Variants in FAM83E observed in about 807,000 individuals in gnomAD.
The protein encoded by FAM83E is protein FAM83E.
Under a neutral mutation model 34.3 loss-of-function variants are expected in FAM83E, and 29 were observed. That is an observed-to-expected ratio of 0.85 (90% CI 0.63 to 1.15). FAM83E has a LOEUF of 1.15. Among genes scored for constraint, FAM83E ranks in the 50% most tolerant of loss-of-function variants. The probability of loss-of-function intolerance (pLI) is 0.00; values close to 1 mark genes in which losing one functional copy is unlikely to be tolerated. For missense variants in FAM83E, 697 were observed against 685.0 expected, an observed-to-expected ratio of 1.02 and a Z score of -0.20; for synonymous variants, 312 against 311.6, an observed-to-expected ratio of 1.00 and a Z score of -0.01.
In FAM83E at chr19:48,601,218, G is replaced by T. The variant is rs571876971; in HGVS notation, c.1328C>A (p.Ser443Tyr). The part of the protein sequence containing the change: ...LPPAHRLRYL[S>Y]PARRRFGGDA... ...CCCACCGAACCGCCTTCGGGCTGGG[G>T]ACAGATAGCGGAGGCGGTGGGCGGG... The change falls in exon 7 of 7, where the codon TCC becomes TAC. Residue 443 changes from serine (S) to tyrosine (Y), a missense_variant. Physicochemically the swap from Ser to Tyr is moderately radical, Grantham distance 144 (BLOSUM62 -2). Coordinates refer to ENST00000263266, the MANE Select transcript of FAM83E (RefSeq NM_017708.4). 1.2e-6 allele frequency: 2 copies of T among 1,610,528 alleles called. No homozygotes were observed. Among genetic ancestry groups the T allele is most frequent in the African/African-American group, 1.3e-5 (1 of 74,986 alleles).
At chr19:48,607,236 C>A (rs375783419) in intron 5 of FAM83E, 1 of 1,612,182 alleles carries the variant, frequency 6.2e-7, no homozygotes, top group African/African-American at 1.3e-5. Context: ...CCTACAGCCT[C>A]ACCACCAACT....
intron 5 of FAM83E, 101 bp from the exon 6 acceptor site, chr19:48,604,012 G>A (rs1015111540): frequency 6.5e-6 from 8 of 1,221,786 alleles, no homozygotes; most frequent in African/African-American, 3.2e-5. Context: ...GACCTCAGGC[G>A]AGTCCTGACC....
rs780828161 is a variant in FAM83E, at chr19:48,603,658, C to T, written c.1012G>A (p.Ala338Thr). 32 of 1,311,406 alleles carry T rather than the reference C, an allele frequency of 2.4e-5. No homozygotes were observed. Among genetic ancestry groups the T allele is most frequent in the Admixed American group, 3.7e-5 (1 of 27,170 alleles). The allele number at this position is 1,311,406 out of a possible 1,614,324, so 81.2% of individuals were successfully genotyped here. A position where few individuals can be genotyped will look rare whatever the true frequency, so the allele number is the denominator to read the frequency against. The stretch of plus-strand genomic sequence containing the variant: ...GGGGTAGCAGGGGAGACGCGGCAGG[C>T]GGCCAGGCGGTGGGCCAGCGGGCCG... ...PDGPLAHRLA[A>T]CRVSPATPGP... Residue 338 changes from alanine (A) to threonine (T), a missense_variant, in exon 6 of 7, where the codon GCC (alanine) becomes ACC (threonine). Coordinates refer to ENST00000263266, the MANE Select transcript of FAM83E (RefSeq NM_017708.4).
At chr19:48,606,203 C>T (rs1360463405) in intron 5 of FAM83E, among the ~76,000 whole-genome samples, 3 of 152,080 alleles carry the variant, frequency 2.0e-5, no homozygotes, top group Admixed American at 6.6e-5. Flanking sequence ...CCCAGCCACT[C>T]GGGAGGCTGA....
chr19:48,610,976 A>G, intron 3 of FAM83E, 129 bp from the exon 4 acceptor site: 1 of 939,884 alleles, frequency 1.1e-6, no homozygotes, highest in Middle Eastern at 2.5e-4. Context: ...TTTAAAGTTC[A>G]GGTGGGCTAA....
intron 6 of FAM83E, 92 bp downstream of exon 6, chr19:48,603,402 A>G: frequency 8.0e-7 from 1 of 1,256,872 alleles, no homozygotes; most frequent in Non-Finnish European, 1.0e-6. Flanking sequence ...TCTGGCTGGG[A>G]GCAGGGCCCC....
chr19:48,602,834 A>G (rs1468760833), intron 6 of FAM83E, among the ~76,000 whole-genome samples: 1 of 121,648 alleles, frequency 8.2e-6, no homozygotes, highest in Non-Finnish European at 1.6e-5. Context: ...GTTTATTATT[A>G]TTATTATTAT....
rs1452626365 is a variant in FAM83E at position 48,603,501 on chromosome 19, T to C, written c.1169A>G (p.Asp390Gly). ...CCAGCCACAAGGTCTCACCTCGTTG[T>C]CCCCATCACTGGAGCCAGACAGCTG... The part of the protein sequence containing the change: ...LSQLSGSSDG[D>G]NELKKSWGSK... The change falls in exon 6 of 7, where the codon GAC (aspartate) becomes GGC (glycine). Residue 390 changes from aspartate (D) to glycine (G), a missense_variant. Asp to Gly is a moderately conservative substitution (Grantham distance 94, BLOSUM62 -1). Coordinates refer to ENST00000263266, the MANE Select transcript of FAM83E (RefSeq NM_017708.4). 6.4e-7 allele frequency: 1 copy of C among 1,565,626 alleles called. No homozygotes were observed. The highest frequency in any genetic ancestry group is 8.6e-7 in the Non-Finnish European group (1 of 1,164,428).
At chr19:48,610,491 A>C (rs1568421096) in intron 4 of FAM83E, among the ~76,000 whole-genome samples, 189 bp downstream of exon 4, 1 of 150,534 alleles carries the variant, frequency 6.6e-6, no homozygotes, top group Non-Finnish European at 1.5e-5. Flanking sequence ...GGGGATACCC[A>C]AACTCAGTGA....
At position 48,602,705 on chromosome 19, in the gene FAM83E, ATAT is replaced by A. The variant is rs1376336545; in HGVS notation, c.1176+786_1176+788del. On this transcript the variant is annotated intron_variant, in intron 6 of 6. Coordinates refer to ENST00000263266, the MANE Select transcript of FAM83E (RefSeq NM_017708.4). ...CTATCTCAAAAAAAAAAAAAAAAAA[ATAT>A]ATATATATATATATATATATATATA... Among the ~76,000 whole-genome samples the A allele has an allele frequency of 9.9e-4, 29 of 29,420 alleles. 1 individual carries two copies. Among genetic ancestry groups the A allele is most frequent in the African/African-American group, 2.4e-3 (14 of 5,910 alleles). 19.3% of individuals were successfully genotyped at this position (29,420 alleles called of 152,430 possible).
chr19:48,602,141 C>CAAA (rs35272146), intron 6 of FAM83E, among the ~76,000 whole-genome samples: 28 of 41,516 alleles, frequency 6.7e-4, no homozygotes, highest in African/African-American at 7.7e-4. Flanking sequence ...GACCCTATCT[C>CAAA]AAAAAAAAAA....
chr19:48,606,964 C>CGCCGCCAG (rs1310115795), intron 5 of FAM83E: 8 of 1,599,418 alleles, frequency 5.0e-6, no homozygotes, highest in Non-Finnish European at 6.8e-6. Flanking sequence ...GCAGGGTCAA[C>CGCCGCCAG]GCCGCCAGGC....
At chr19:48,601,481 A>ACGGC in intron 6 of FAM83E, 112 bp from the exon 7 acceptor site, 1 of 1,471,440 alleles carries the variant, frequency 6.8e-7, no homozygotes. Flanking sequence ...AAAGTGACAG[A>ACGGC]CGGCCAGGCA....
Position 48,603,914 on chromosome 19 carries a change from G to C in FAM83E, c.759-3C>G. On this transcript the variant is annotated splice_polypyrimidine_tract_variant and splice_region_variant and intron_variant, in intron 5 of 6. Coordinates refer to ENST00000263266, the MANE Select transcript of FAM83E (RefSeq NM_017708.4). ...GGCGTGCGTCACTCCACGTGAAGCTGGGGGTCGGGGAGTAGGGGGTCAGAG... is the reference window on the plus strand; with the variant it reads ...GGCGTGCGTCACTCCACGTGAAGCTCGGGGTCGGGGAGTAGGGGGTCAGAG... 6.3e-7 allele frequency: 1 copy of C among 1,590,782 alleles called. No homozygotes were observed. The highest frequency in any genetic ancestry group is 8.6e-7 in the Non-Finnish European group (1 of 1,169,326).
chr19:48,613,126 C>A lies in FAM83E; in HGVS notation c.247G>T (p.Gly83Trp), dbSNP rs777273537. ...DWTVAKQEPS[G>W]MAEGATTTDV... Reference sequence around the variant, plus strand: ...GTGGTGGTGGCTCCCTCTGCCATCCCGCTGGGCTCCTGCTTGGCCACTGTC... The same window carrying A: ...GTGGTGGTGGCTCCCTCTGCCATCCAGCTGGGCTCCTGCTTGGCCACTGTC... The change falls in exon 3 of 7, where the codon GGG (glycine) becomes TGG (tryptophan). Residue 83 changes from glycine (G) to tryptophan (W), a missense_variant. By Grantham distance (184) the Gly-to-Trp change is radical. Coordinates refer to ENST00000263266, the MANE Select transcript of FAM83E (RefSeq NM_017708.4). 8.7e-6 allele frequency: 14 copies of A among 1,611,548 alleles called. No individual in the cohort carries two copies. Among genetic ancestry groups the A allele is most frequent in the Admixed American group, 3.3e-5 (2 of 59,908 alleles).
At chr19:48,604,918 G>T (rs1186068226) in intron 5 of FAM83E, among the ~76,000 whole-genome samples, 1 of 150,958 alleles carries the variant, frequency 6.6e-6, no homozygotes, top group Non-Finnish European at 1.5e-5. Context: ...TACTCAGGAG[G>T]CTGAGGCAGG....
At chr19:48,604,009 G>C in intron 5 of FAM83E, 98 bp from the exon 6 acceptor site, 1 of 1,274,650 alleles carries the variant, frequency 7.8e-7, no homozygotes, top group Non-Finnish European at 1.1e-6. Flanking sequence ...TAGGACCTCA[G>C]GCGAGTCCTG....
In FAM83E at chr19:48,600,362, A is replaced by G. The variant is rs1381063640; in HGVS notation, c.*747T>C. ...AGTCCTTTTTTTTGTTTGAGATGAAATCTCGCTCTGTCACCCAGGCTGGAG... is the reference window on the plus strand; with the variant it reads ...AGTCCTTTTTTTTGTTTGAGATGAAGTCTCGCTCTGTCACCCAGGCTGGAG... On this transcript the variant is annotated 3_prime_UTR_variant, in exon 7 of 7. Transcript: ENST00000263266. Among the ~76,000 whole-genome samples the G allele has an allele frequency of 6.6e-6, 1 of 152,024 alleles. No individual in the cohort carries two copies. The highest frequency in any genetic ancestry group is 1.5e-5 in the Non-Finnish European group (1 of 67,982).
At chr19:48,607,517 G>GCATC (rs1973957342) in intron 5 of FAM83E, 1 of 941,872 alleles carries the variant, frequency 1.1e-6, no homozygotes, top group African/African-American at 1.7e-5. Flanking sequence ...GCTAGGGGAA[G>GCATC]CATCCCCAGG....
Sources: allele counts gnomAD v4.1 joint callset (sites outside exome capture counted in the v4.1 genomes callset), GRCh38; gene constraint gnomAD v4.1.1; transcripts MANE v1.5; gene names NCBI Gene and HGNC (gene_info 2026-07-23, HGNC 2026-07-21).